HOXB7: variants seen among roughly 807,000 people sequenced by gnomAD.
HOXB7 encodes the protein homeobox protein Hox-B7.
HOXB7 carries 11 observed loss-of-function variants against 19.2 expected under a neutral mutation model. The ratio of observed to expected loss-of-function variants is 0.57; its 90% CI spans 0.36 to 0.95. HOXB7 has a LOEUF of 0.95. Among genes scored for constraint, HOXB7 ranks in the 40% least tolerant of loss-of-function variants. The probability of loss-of-function intolerance (pLI) is 0.01; values close to 1 mark genes in which losing one functional copy is unlikely to be tolerated. For missense variants in HOXB7, 318 were observed against 301.1 expected (o/e 1.06, Z -0.42); for synonymous variants, 141 against 130.2 (o/e 1.08, Z -0.56).
Position 48,607,895 on chromosome 17 carries a change from G to A in HOXB7, c.601C>T (p.Pro201Ser). The change falls in exon 2 of 2, where the codon CCG (proline) becomes TCG (serine). Residue 201 changes from proline (P) to serine (S), a missense_variant. Transcript: ENST00000239165. Reference protein sequence around the residue: ...KWKKENKTAGPGTTGQDRAEA... With the variant: ...KWKKENKTAGSGTTGQDRAEA... Reference sequence around the variant, plus strand: ...GCCCTGTCTTGGCCGGTGGTCCCCGGGCCCGCGGTCTTGTTCTCCTTTTTC... The same window carrying A: ...GCCCTGTCTTGGCCGGTGGTCCCCGAGCCCGCGGTCTTGTTCTCCTTTTTC... 6.2e-7 allele frequency: 1 copy of A among 1,613,682 alleles called. No individual in the cohort carries two copies. The highest frequency in any genetic ancestry group is 8.5e-7 in the Non-Finnish European group (1 of 1,179,940).
chr17:48,607,795 C>G lies in HOXB7; in HGVS notation c.*47G>C. On this transcript the variant is annotated 3_prime_UTR_variant, in exon 2 of 2. Transcript: ENST00000239165. ...ATTCAGTTCCCAGAGCTGGGCTTCT[C>G]TTCCTCTCCCTTTCTCATGTCTCTT... 1.5e-3 allele frequency: 1,946 copies of G among 1,306,474 alleles called. No individual in the cohort carries two copies. The highest frequency in any genetic ancestry group is 1.9e-3 in the Non-Finnish European group (1,779 of 913,706). The allele number at this position is 1,306,474 out of a possible 1,614,324, so 80.9% of individuals were successfully genotyped here.
intron 1 of HOXB7, among the ~76,000 whole-genome samples, chr17:48,610,041 T>C (rs1010239627): frequency 6.8e-6 from 1 of 147,516 alleles, no homozygotes; most frequent in African/African-American, 2.5e-5. Flanking sequence ...GGAGAATTGC[T>C]TAGCGCTATG....
chr17:48,608,010 C>T lies in HOXB7; in HGVS notation c.486G>A (p.Leu162=), dbSNP rs758643585. Residue 162 remains leucine, a synonymous_variant, in exon 2 of 2, where the codon CTG becomes CTA. Transcript: ENST00000239165. ...LEKEFHYNRY[L]TRRRRIEIAH... The stretch of plus-strand genomic sequence containing the variant: ...CGATCTCGATGCGCCGCCGCCGCGT[C>T]AGGTAGCGATTGTAGTGAAATTCTT... 6.2e-7 allele frequency: 1 copy of T among 1,614,084 alleles called. No homozygotes were observed. Among genetic ancestry groups the T allele is most frequent in the African/African-American group, 1.3e-5 (1 of 74,936 alleles).
rs1458703915 is a variant in HOXB7, at chr17:48,608,061, G to GGT, written c.433_434dup (p.Arg146ProfsTer18). ...TCTCCAGCTCCAGGGTCTGGTAGCG[G>GGT]GTGTAGGTCTGGCGGCCTCGTTTGC... On this transcript the variant is annotated frameshift_variant, in exon 2 of 2. Coordinates refer to ENST00000239165, the MANE Select transcript of HOXB7 (RefSeq NM_004502.4). LOFTEE classifies it high-confidence loss of function. 1 of 1,614,042 alleles carries GGT rather than the reference G, an allele frequency of 6.2e-7. No individual in the cohort carries two copies. Among genetic ancestry groups the GGT allele is most frequent in the African/African-American group, 1.3e-5 (1 of 74,916 alleles).
At position 48,610,499 on chromosome 17, in the gene HOXB7, A is replaced by C; in HGVS notation, c.400+20T>G. 6.8e-7 allele frequency: 1 copy of C among 1,464,400 alleles called. No homozygotes were observed. The highest frequency in any genetic ancestry group is 9.1e-7 in the Non-Finnish European group (1 of 1,102,090). 90.7% of individuals were successfully genotyped at this position (1,464,400 alleles called of 1,614,324 possible). A position where few individuals can be genotyped will look rare whatever the true frequency, so the allele number is the denominator to read the frequency against. ...TGCCCCGGCCCCTGGGGCTCAGGAC[A>C]GCTCGGTGCGCGGCGTTACCTGAGC... On this transcript the variant is annotated intron_variant, in intron 1 of 1. Transcript: ENST00000239165.
intron 1 of HOXB7, among the ~76,000 whole-genome samples, chr17:48,610,080 G>C (rs1198852346): frequency 2.0e-5 from 3 of 152,164 alleles, no homozygotes; most frequent in South Asian, 2.1e-4. Context: ...TATCCGAGTG[G>C]GGCAGGGGGA....
chr17:48,610,394 C>T lies in HOXB7; in HGVS notation c.400+125G>A, dbSNP rs1290090525. ...GTCGCGGCCCAGTGGGTGCAGCCTT[C>T]CAGGGCCGACCTCCGGCTGGGAGCA... On this transcript the variant is annotated intron_variant, in intron 1 of 1. Coordinates refer to ENST00000239165, the MANE Select transcript of HOXB7 (RefSeq NM_004502.4). 3.0e-6 allele frequency: 3 copies of T among 1,010,550 alleles called. No individual in the cohort carries two copies. In the African/African-American group the frequency reaches 5.1e-5, roughly 17 times the overall value. The allele number at this position is 1,010,550 out of a possible 1,614,324, so 62.6% of individuals were successfully genotyped here.
In HOXB7 at chr17:48,609,159, A is replaced by T. The variant is rs1424014574; in HGVS notation, c.401-1064T>A. The stretch of plus-strand genomic sequence containing the variant: ...TGCACAGGGGAAAAGGAGAGACAGC[A>T]GCCTGGGATAGGATGGAACATGGAG... On this transcript the variant is annotated intron_variant, in intron 1 of 1. Coordinates refer to ENST00000239165, the MANE Select transcript of HOXB7 (RefSeq NM_004502.4). 2.0e-5 allele frequency among the ~76,000 whole-genome samples: 3 copies of T among 152,224 alleles called. No individual in the cohort carries two copies. The East Asian group carries it at 5.8e-4, about 29-fold the overall frequency.
In HOXB7 at chr17:48,607,749, C is replaced by T; in HGVS notation, c.*93G>A. 1 of 940,532 alleles carries T rather than the reference C, an allele frequency of 1.1e-6. No homozygotes were observed. Among genetic ancestry groups the T allele is most frequent in the Non-Finnish European group, 1.5e-6 (1 of 646,430 alleles). The allele number at this position is 940,532 out of a possible 1,614,324, so 58.3% of individuals were successfully genotyped here. A position where few individuals can be genotyped will look rare whatever the true frequency, so the allele number is the denominator to read the frequency against. On this transcript the variant is annotated 3_prime_UTR_variant, in exon 2 of 2. Transcript: ENST00000239165. Reference sequence around the variant, plus strand: ...TTTTTTGTTTTGTTTTTTTACTTCCCTATTCGATTTGAGTTTCCTGATTCA... The same window carrying T: ...TTTTTTGTTTTGTTTTTTTACTTCCTTATTCGATTTGAGTTTCCTGATTCA...
intron 1 of HOXB7, among the ~76,000 whole-genome samples, chr17:48,609,824 A>G (rs1247530326): frequency 6.6e-6 from 1 of 152,008 alleles, no homozygotes; most frequent in Non-Finnish European, 1.5e-5. Flanking sequence ...GCCCCTTTCT[A>G]GTTCTCCTGT....
rs2070601518 is a variant in HOXB7 at position 48,607,910 on chromosome 17, TCTC to T, written c.583_585del (p.Glu195del). 7 of 1,613,996 alleles carry T rather than the reference TCTC, an allele frequency of 4.3e-6. No homozygotes were observed. The highest frequency in any genetic ancestry group is 5.9e-6 in the Non-Finnish European group (7 of 1,180,028). On this transcript the variant is annotated inframe_deletion, in exon 2 of 2. Transcript: ENST00000239165. ...GTGGTCCCCGGGCCCGCGGTCTTGT[TCTC>T]CTTTTTCCACTTCATGCGCCGGTTC...
At chr17:48,609,013 A>C (rs1187800185) in intron 1 of HOXB7, among the ~76,000 whole-genome samples, 1 of 152,266 alleles carries the variant, frequency 6.6e-6, no homozygotes, top group East Asian at 1.9e-4. Context: ...GTCTGACAGC[A>C]GTGACCCTCT....
chr17:48,607,826 G>A lies in HOXB7; in HGVS notation c.*16C>T. On this transcript the variant is annotated 3_prime_UTR_variant, in exon 2 of 2. Coordinates refer to ENST00000239165, the MANE Select transcript of HOXB7 (RefSeq NM_004502.4). ...CTCCCTTTCTCATGTCTCTTCCTCT[G>A]CCCTTTCTCCATCCCTCACTCTTCC... is the stretch of plus-strand genomic sequence containing the variant. 6.3e-7 allele frequency: 1 copy of A among 1,596,334 alleles called. No homozygotes were observed. Among genetic ancestry groups the A allele is most frequent in the Non-Finnish European group, 8.6e-7 (1 of 1,165,510 alleles).
rs972860470 is a variant in HOXB7, at chr17:48,610,968, G to A, written c.-50C>T. 6.4e-6 allele frequency: 9 copies of A among 1,412,404 alleles called. No homozygotes were observed. Among genetic ancestry groups the A allele is most frequent in the Non-Finnish European group, 8.5e-6 (9 of 1,060,382 alleles). 87.5% of individuals were successfully genotyped at this position (1,412,404 alleles called of 1,614,324 possible). Reference sequence around the variant, plus strand: ...AGGGACGTTTTAGTGTCGGTTTTACGAGATTCCTTGATATATTACAGAATT... The same window carrying A: ...AGGGACGTTTTAGTGTCGGTTTTACAAGATTCCTTGATATATTACAGAATT... On this transcript the variant is annotated 5_prime_UTR_variant, in exon 1 of 2. Transcript: ENST00000239165.
At chr17:48,610,454 G>A (rs2070631688) in intron 1 of HOXB7, 65 bp downstream of exon 1, 1 of 1,353,518 alleles carries the variant, frequency 7.4e-7, no homozygotes, top group Non-Finnish European at 9.6e-7. Flanking sequence ...AGCCGGGAAG[G>A]AGGCGCCTTC....
Position 48,607,884 on chromosome 17 carries a change from G to C in HOXB7, c.612C>G (p.Thr204=). 6.2e-7 allele frequency: 1 copy of C among 1,613,920 alleles called. No homozygotes were observed. Among genetic ancestry groups the C allele is most frequent in the South Asian group, 1.1e-5 (1 of 91,062 alleles). ...KENKTAGPGT[T]GQDRAEAEEE... The stretch of plus-strand genomic sequence containing the variant: ...CCTCTGCTTCAGCCCTGTCTTGGCC[G>C]GTGGTCCCCGGGCCCGCGGTCTTGT... Residue 204 remains threonine, a synonymous_variant, in exon 2 of 2, where the codon ACC becomes ACG. Transcript: ENST00000239165.
Position 48,610,775 on chromosome 17 carries a change from G to T in HOXB7, c.144C>A (p.Gly48=). The stretch of plus-strand genomic sequence containing the variant: ...CCTGCATCGAGGCGGCGAAGGAAGC[G>T]CCCGAACCCGCTCCATAGCCCGGGC... ...PQRPGYGAGS[G]ASFAASMQGL... is the part of the protein sequence containing the mutation. The change falls in exon 1 of 2, where the codon GGC becomes GGA. Residue 48 remains glycine (G), a synonymous_variant. Coordinates refer to ENST00000239165, the MANE Select transcript of HOXB7 (RefSeq NM_004502.4). The T allele has an allele frequency of 6.3e-7, 1 of 1,599,068 alleles. No homozygotes were observed. Among genetic ancestry groups the T allele is most frequent in the South Asian group, 1.1e-5 (1 of 89,854 alleles).
Position 48,607,911 on chromosome 17 carries a change from C to G in HOXB7, c.585G>C (p.Glu195Asp). The stretch of plus-strand genomic sequence containing the variant: ...TGGTCCCCGGGCCCGCGGTCTTGTT[C>G]TCCTTTTTCCACTTCATGCGCCGGT... Reference protein sequence around the residue: ...FQNRRMKWKKENKTAGPGTTG... With the variant: ...FQNRRMKWKKDNKTAGPGTTG... The change falls in exon 2 of 2, where the codon GAG (glutamate) becomes GAC (aspartate). Residue 195 changes from glutamate (E) to aspartate (D), a missense_variant. Transcript: ENST00000239165. 11 of 1,614,106 alleles carry G rather than the reference C, an allele frequency of 6.8e-6. No individual in the cohort carries two copies. Among genetic ancestry groups the G allele is most frequent in the Non-Finnish European group, 9.3e-6 (11 of 1,180,018 alleles).
chr17:48,607,890 C>T lies in HOXB7; in HGVS notation c.606G>A (p.Gly202=), dbSNP rs773050759. Residue 202 remains glycine, a synonymous_variant, in exon 2 of 2, where the codon GGG becomes GGA. Coordinates refer to ENST00000239165, the MANE Select transcript of HOXB7 (RefSeq NM_004502.4). ...WKKENKTAGP[G]TTGQDRAEAE... Reference sequence around the variant, plus strand: ...CTTCAGCCCTGTCTTGGCCGGTGGTCCCCGGGCCCGCGGTCTTGTTCTCCT... The same window carrying T: ...CTTCAGCCCTGTCTTGGCCGGTGGTTCCCGGGCCCGCGGTCTTGTTCTCCT... 6.2e-6 allele frequency: 10 copies of T among 1,614,082 alleles called. No homozygotes were observed. Among genetic ancestry groups the T allele is most frequent in the South Asian group, 3.3e-5 (3 of 91,070 alleles).
Sources: allele counts gnomAD v4.1 joint callset (sites outside exome capture counted in the v4.1 genomes callset), GRCh38; gene constraint gnomAD v4.1.1; transcripts MANE v1.5; gene names NCBI Gene and HGNC (gene_info 2026-07-23, HGNC 2026-07-21).